The following KIF21A variants were observed in gnomAD, a reference collection of about 807,000 sequenced individuals.
The protein encoded by KIF21A is kinesin family member 21A, also known as kinesin-like protein KIF21A.
A neutral mutation model predicts 202.9 loss-of-function variants in KIF21A; 114 were observed. The observed-to-expected ratio is 0.56, with a 90% CI of 0.48 to 0.66. KIF21A has a LOEUF of 0.66. Among genes scored for constraint, KIF21A ranks in the 30% least tolerant of loss-of-function variants. KIF21A has a pLI of 0.00. For missense variants in KIF21A, 1,677 were observed against 1,994.9 expected (o/e 0.84, Z 3.04); for synonymous variants, 667 against 670.8 (o/e 0.99, Z 0.09).
chr12:39,298,755 AAGC>A (rs1293416695), intron 37 of KIF21A, among the ~76,000 whole-genome samples: 2 of 152,200 alleles, frequency 1.3e-5, no homozygotes, highest in Non-Finnish European at 2.9e-5. Flanking sequence ...TTGACATGAA[AAGC>A]AGCAGAAGAA....
chr12:39,368,735 A>C (rs893044264), intron 3 of KIF21A, among the ~76,000 whole-genome samples: 1 of 151,508 alleles, frequency 6.6e-6, no homozygotes, highest in Admixed American at 6.6e-5. Context: ...TAAAACCAGC[A>C]GTAAAAAAAA....
Position 39,443,066 on chromosome 12 carries a change from T to C in KIF21A, c.-96A>G. The stretch of plus-strand genomic sequence containing the variant: ...GACTCGGGCGCAGTAGGCTGGGGCG[T>C]CTGCGGGCGGGCGGCCGGCTCACCT... On this transcript the variant is annotated 5_prime_UTR_variant, in exon 1 of 38. Coordinates refer to ENST00000361418, the MANE Select transcript of KIF21A (RefSeq NM_001173464.2). 2.3e-6 allele frequency: 3 copies of C among 1,290,966 alleles called. No homozygotes were observed. The highest frequency in any genetic ancestry group is 3.0e-6 in the Non-Finnish European group (3 of 991,488). 80.0% of individuals were successfully genotyped at this position (1,290,966 alleles called of 1,614,324 possible).
chr12:39,385,582 G>A (rs1307482996), intron 1 of KIF21A, among the ~76,000 whole-genome samples: 6 of 152,102 alleles, frequency 3.9e-5, no homozygotes, highest in Non-Finnish European at 8.8e-5. Flanking sequence ...TATAGAATGT[G>A]TATACAAATG....
chr12:39,399,856 G>A (rs1952034288), intron 1 of KIF21A, among the ~76,000 whole-genome samples: 1 of 152,130 alleles, frequency 6.6e-6, no homozygotes, highest in Non-Finnish European at 1.5e-5. Context: ...GTAGCAGAAA[G>A]CATTTATTTA....
chr12:39,346,946 C>A (rs1947947491), intron 11 of KIF21A, among the ~76,000 whole-genome samples: 1 of 151,612 alleles, frequency 6.6e-6, no homozygotes, highest in South Asian at 2.1e-4. Flanking sequence ...CAAAGTAATG[C>A]CTTTATACCA....
intron 1 of KIF21A, among the ~76,000 whole-genome samples, chr12:39,393,967 T>C (rs1285560558): frequency 6.6e-6 from 1 of 152,174 alleles, no homozygotes; most frequent in African/African-American, 2.4e-5. Flanking sequence ...GAGCTCAGCA[T>C]AGCAATACAA....
chr12:39,326,585 CTGAA>C (rs1440022481), intron 24 of KIF21A, among the ~76,000 whole-genome samples: 1 of 152,206 alleles, frequency 6.6e-6, no homozygotes, highest in African/African-American at 2.4e-5. Context: ...TAACATCCTT[CTGAA>C]TGAGATGGGT....
chr12:39,370,135 A>G lies in KIF21A; in HGVS notation c.171T>C (p.Ile57=). ...KAFTFDYVFD[I]DSQQEQIYIQ... ...TGTAGATCTGCTCTTGCTGGGAGTCAATGTCAAATACATAGTCAAAAGTAA... is the reference window on the plus strand; with the variant it reads ...TGTAGATCTGCTCTTGCTGGGAGTCGATGTCAAATACATAGTCAAAAGTAA... The change falls in exon 2 of 38, where the codon ATT becomes ATC. Residue 57 remains isoleucine (I), a synonymous_variant. Coordinates refer to ENST00000361418, the MANE Select transcript of KIF21A (RefSeq NM_001173464.2). The G allele has an allele frequency of 1.2e-6, 2 of 1,613,680 alleles. No homozygotes were observed. Among genetic ancestry groups the G allele is most frequent in the Non-Finnish European group, 1.7e-6 (2 of 1,179,670 alleles).
Position 39,330,742 on chromosome 12 carries a change from T to C in KIF21A, c.3319+4A>G. On this transcript the variant is annotated splice_donor_region_variant and intron_variant, in intron 23 of 37. Transcript: ENST00000361418. ...TCATTCAACTAAAATTGAGAGCAAA[T>C]TACCTTGTAAAGCATGGCCTAGTAA... is the stretch of plus-strand genomic sequence containing the variant. 1 of 1,613,750 alleles carries C rather than the reference T, an allele frequency of 6.2e-7. No homozygotes were observed. The highest frequency in any genetic ancestry group is 1.7e-4 in the Middle Eastern group (1 of 6,060).
At chr12:39,357,157 AT>A (rs1427802756) in intron 9 of KIF21A, 90 bp downstream of exon 9, 4 of 1,126,470 alleles carry the variant, frequency 3.6e-6, no homozygotes, top group Non-Finnish European at 5.4e-6. Context: ...TGGCATTTCT[AT>A]TTCAACTATG....
chr12:39,334,482 C>A (rs1946792203), intron 17 of KIF21A, among the ~76,000 whole-genome samples: 1 of 152,082 alleles, frequency 6.6e-6, no homozygotes, highest in Non-Finnish European at 1.5e-5. Flanking sequence ...ATGACTTTAT[C>A]TTATCACAGC....
intron 11 of KIF21A, among the ~76,000 whole-genome samples, chr12:39,348,807 C>T (rs565932871): frequency 1.6e-4 from 24 of 151,446 alleles, no homozygotes; most frequent in Admixed American, 1.2e-3. Context: ...AACAAACAAA[C>T]AGAAAAAAAA....
rs112218417 is a variant in KIF21A at position 39,406,457 on chromosome 12, T to C, written c.45-36196A>G. ...GTTGGCAAATGATTCTCTATTCTTT[T>C]GGCATCTGCACATACTTTAATGTCC... On this transcript the variant is annotated intron_variant, in intron 1 of 37. Transcript: ENST00000361418. Among the ~76,000 whole-genome samples, 996 of 152,310 alleles carry C rather than the reference T, an allele frequency of 6.5e-3. 12 individuals are homozygous for C. Among genetic ancestry groups the C allele is most frequent in the African/African-American group, 0.023 (950 of 41,552 alleles).
rs528993191 is a variant in KIF21A at position 39,319,818 on chromosome 12, C to G, written c.3779+88G>C. 1.3e-4 allele frequency: 111 copies of G among 883,190 alleles called. 1 individual carries two copies. The South Asian group carries it at 1.5e-3, about 12-fold the overall frequency. 54.7% of individuals were successfully genotyped at this position (883,190 alleles called of 1,614,324 possible). ...TCATAACCACAGCACCAGCCTAAAT[C>G]TGGAAAATAATTTCATGATTATCTT... On this transcript the variant is annotated intron_variant, in intron 28 of 37. Transcript: ENST00000361418.
chr12:39,309,873 G>A, intron 32 of KIF21A, 107 bp from the exon 33 acceptor site: 1 of 977,486 alleles, frequency 1.0e-6, no homozygotes, highest in Middle Eastern at 2.7e-4. Flanking sequence ...GGAAGGAAAT[G>A]AAAATAGTAA....
chr12:39,368,511 T>C (rs958867749), intron 3 of KIF21A, among the ~76,000 whole-genome samples: 5 of 152,112 alleles, frequency 3.3e-5, no homozygotes, highest in African/African-American at 1.2e-4. Flanking sequence ...CCTGTATCAA[T>C]AGTGGCTGAA....
intron 31 of KIF21A, among the ~76,000 whole-genome samples, chr12:39,314,565 A>G (rs978470338): frequency 1.3e-5 from 2 of 151,914 alleles, no homozygotes; most frequent in African/African-American, 2.4e-5. Flanking sequence ...ATTCATGTTA[A>G]CAGCCTAAGA....
chr12:39,314,550 A>G (rs1944330372), intron 31 of KIF21A, among the ~76,000 whole-genome samples: 2 of 151,902 alleles, frequency 1.3e-5, no homozygotes, highest in Admixed American at 6.6e-5. Context: ...GATTGTAAGA[A>G]AACAATTCAT....
chr12:39,421,041 T>C (rs1286195268), intron 1 of KIF21A, among the ~76,000 whole-genome samples: 4 of 152,260 alleles, frequency 2.6e-5, no homozygotes, highest in Non-Finnish European at 5.9e-5. Context: ...AGTGACATTT[T>C]AGTCAATGAC....
Sources: allele counts gnomAD v4.1 joint callset (sites outside exome capture counted in the v4.1 genomes callset), GRCh38; gene constraint gnomAD v4.1.1; transcripts MANE v1.5; gene names NCBI Gene and HGNC (gene_info 2026-07-23, HGNC 2026-07-21).